CACNB2: variants seen among roughly 807,000 people sequenced by gnomAD.
The protein encoded by CACNB2 is voltage-dependent L-type calcium channel subunit beta-2.
A neutral mutation model predicts 73.3 loss-of-function variants in CACNB2; 42 were observed. The ratio of observed to expected loss-of-function variants is 0.57; its 90% CI spans 0.45 to 0.74. The LOEUF (loss-of-function observed/expected upper bound fraction) is 0.74. CACNB2 is among the 30% of genes least tolerant of loss of function. The probability of loss-of-function intolerance (pLI) is 0.00; values close to 1 mark genes in which losing one functional copy is unlikely to be tolerated. For missense variants in CACNB2, 940 were observed against 853.0 expected, an observed-to-expected ratio of 1.10 and a Z score of -1.27; for synonymous variants, 348 against 310.3, an observed-to-expected ratio of 1.12 and a Z score of -1.28.
chr10:18,413,241 G>A (rs2044739004), intron 3 of CACNB2, among the ~76,000 whole-genome samples: 1 of 152,150 alleles, frequency 6.6e-6, no homozygotes, highest in African/African-American at 2.4e-5. Context: ...CAAAGTGCTG[G>A]GATTACGGGC....
chr10:18,240,852 G>T (rs1220617089), intron 2 of CACNB2, among the ~76,000 whole-genome samples: 2 of 152,008 alleles, frequency 1.3e-5, no homozygotes, highest in Non-Finnish European at 2.9e-5. Context: ...CATGGCATTG[G>T]TCAGTGGCCT....
chr10:18,191,669 T>C (rs1366813974), intron 2 of CACNB2, among the ~76,000 whole-genome samples: 1 of 152,170 alleles, frequency 6.6e-6, no homozygotes. Flanking sequence ...AGCTCCCACA[T>C]ATCAGTGAGA....
At chr10:18,262,078 G>T (rs1380124073) in intron 2 of CACNB2, 1 of 513,342 alleles carries the variant, frequency 1.9e-6, no homozygotes, top group Non-Finnish European at 3.9e-6. Flanking sequence ...GGAACAGGAG[G>T]TTTATGCAGG....
chr10:18,359,269 TTTTGTTTG>T (rs753121625), intron 2 of CACNB2, among the ~76,000 whole-genome samples: 1 of 152,074 alleles, frequency 6.6e-6, no homozygotes, highest in African/African-American at 2.4e-5. Flanking sequence ...TTGTTTTGTT[TTTTGTTTG>T]TTTGTTTGTT....
At chr10:18,400,737 G>A in intron 2 of CACNB2, 1 of 1,288,846 alleles carries the variant, frequency 7.8e-7, no homozygotes, top group Non-Finnish European at 9.9e-7. Flanking sequence ...GATGCATTAA[G>A]TTTAGAACGA....
intron 2 of CACNB2, among the ~76,000 whole-genome samples, chr10:18,314,915 C>T (rs1187260393): frequency 6.6e-6 from 1 of 152,192 alleles, no homozygotes; most frequent in Non-Finnish European, 1.5e-5. Context: ...ATGGGAAGGA[C>T]AATTGGAATT....
chr10:18,167,268 A>G (rs1050644651), intron 2 of CACNB2, among the ~76,000 whole-genome samples: 2 of 152,140 alleles, frequency 1.3e-5, no homozygotes, highest in Admixed American at 6.5e-5. Context: ...ATGGGCATAA[A>G]GATGGAAACA....
chr10:18,146,918 C>T (rs376277998), intron 1 of CACNB2, among the ~76,000 whole-genome samples: 2 of 152,136 alleles, frequency 1.3e-5, no homozygotes, highest in East Asian at 1.9e-4. Flanking sequence ...CCACCGTGCC[C>T]GGCCTAATTT....
At chr10:18,177,364 A>C (rs2033654660) in intron 2 of CACNB2, among the ~76,000 whole-genome samples, 1 of 151,944 alleles carries the variant, frequency 6.6e-6, no homozygotes, top group East Asian at 1.9e-4. Flanking sequence ...TCATGCCTAT[A>C]ATCCCAGCAC....
chr10:18,479,412 A>G (rs911434220), intron 3 of CACNB2, among the ~76,000 whole-genome samples: 2 of 152,102 alleles, frequency 1.3e-5, no homozygotes, highest in Admixed American at 1.3e-4. Context: ...GACTTTTGAG[A>G]ACCATAAAAA....
intron 2 of CACNB2, among the ~76,000 whole-genome samples, chr10:18,353,790 C>T (rs1388131521): frequency 6.6e-6 from 1 of 152,138 alleles, no homozygotes; most frequent in Non-Finnish European, 1.5e-5. Flanking sequence ...TGAGGGCTTC[C>T]GGTTCATCAC....
At chr10:18,513,786 A>G (rs1203382312) in intron 6 of CACNB2, 2 of 243,282 alleles carry the variant, frequency 8.2e-6, no homozygotes, top group Non-Finnish European at 1.6e-5. Flanking sequence ...TCAAATGGCA[A>G]ATTCCAACAG....
intron 2 of CACNB2, among the ~76,000 whole-genome samples, chr10:18,376,388 A>G (rs2042799843): frequency 6.6e-6 from 1 of 152,176 alleles, no homozygotes; most frequent in South Asian, 2.1e-4. Context: ...GGACAAGGGG[A>G]TGGTTAATGG....
Position 18,481,751 on chromosome 10 carries a change from G to C in CACNB2, c.334-16604G>C, listed in dbSNP as rs1349012286. Among the ~76,000 whole-genome samples, 2 of 152,122 alleles carry C rather than the reference G, an allele frequency of 1.3e-5. 1 individual carries two copies. The highest frequency in any genetic ancestry group is 4.8e-5 in the African/African-American group (2 of 41,420). ...GATTGTACTCTTATATAAGCTCAGT[G>C]CCTCAGTATCTGCTGTCTGGAGAGC... On this transcript the variant is annotated intron_variant, in intron 3 of 13. Coordinates refer to ENST00000324631, the MANE Select transcript of CACNB2 (RefSeq NM_201596.3).
chr10:18,171,543 A>AAAAAAAAAAAAAAAAAG (rs1564314409), intron 2 of CACNB2, among the ~76,000 whole-genome samples: 8 of 138,888 alleles, frequency 5.8e-5, no homozygotes, highest in African/African-American at 2.6e-4. Context: ...AAAAAAAAAA[A>AAAAAAAAAAAAAAAAAG]AAAAAAGGCT....
At chr10:18,270,612 C>T (rs2038011317) in intron 2 of CACNB2, among the ~76,000 whole-genome samples, 1 of 152,204 alleles carries the variant, frequency 6.6e-6, no homozygotes, top group Admixed American at 6.5e-5. Context: ...TCAGCACCTT[C>T]ATCCTCTGGA....
At chr10:18,381,030 C>T (rs1213666406) in intron 2 of CACNB2, among the ~76,000 whole-genome samples, 5 of 151,872 alleles carry the variant, frequency 3.3e-5, no homozygotes, top group Admixed American at 3.3e-4. Flanking sequence ...AGGAGCCCCT[C>T]TGAAGAATGA....
chr10:18,489,924 C>A (rs1292477497), intron 3 of CACNB2, among the ~76,000 whole-genome samples: 1 of 152,158 alleles, frequency 6.6e-6, no homozygotes, highest in African/African-American at 2.4e-5. Flanking sequence ...GTTGCCCAGG[C>A]TGGAGTGCAG....
intron 2 of CACNB2, among the ~76,000 whole-genome samples, chr10:18,334,896 GAA>G (rs892633418): frequency 6.6e-6 from 1 of 152,076 alleles, no homozygotes; most frequent in African/African-American, 2.4e-5. Flanking sequence ...TTATAGATTA[GAA>G]ACCTGGGAGA....
Sources: allele counts gnomAD v4.1 joint callset (sites outside exome capture counted in the v4.1 genomes callset), GRCh38; gene constraint gnomAD v4.1.1; transcripts MANE v1.5; gene names NCBI Gene and HGNC (gene_info 2026-07-23, HGNC 2026-07-21).